Variants in SHISAL1 observed in about 807,000 individuals in gnomAD.
The protein encoded by SHISAL1 is shisa like 1, also known as protein shisa-like-1.
SHISAL1 carries 9 observed loss-of-function variants against 22.6 expected under a neutral mutation model. The observed-to-expected ratio is 0.40, with a 90% confidence interval of 0.24 to 0.70. SHISAL1 has a LOEUF of 0.70. Ranked by LOEUF, SHISAL1 falls within the 30% of genes least tolerant of loss-of-function variation. The pLI is 0.39. For synonymous variants in SHISAL1, 119 were observed against 115.4 expected, an observed-to-expected ratio of 1.03 and a Z score of -0.20; for missense variants, 246 against 270.6, an observed-to-expected ratio of 0.91 and a Z score of 0.64.
the SHISAL1 span, among the ~76,000 whole-genome samples, chr22:44,325,166 C>G: frequency 6.6e-6 from 1 of 151,988 alleles, no homozygotes; most frequent in Non-Finnish European, 1.5e-5. Context: ...TCGCTTGAAC[C>G]CAGGAGGTGG....
At chr22:44,283,465 C>T (rs1045097710) in intron 4 of SHISAL1, among the ~76,000 whole-genome samples, 5 of 152,274 alleles carry the variant, frequency 3.3e-5, no homozygotes, top group Middle Eastern at 3.4e-3. Context: ...CAATATGGAA[C>T]AGGGGTAGGG....
chr22:44,257,822 G>A (rs543058376), intron 4 of SHISAL1, among the ~76,000 whole-genome samples: 4 of 152,222 alleles, frequency 2.6e-5, no homozygotes, highest in Non-Finnish European at 5.9e-5. Flanking sequence ...CTAGGGAACT[G>A]CATTAGCGTG....
chr22:44,254,221 C>T (rs1171440409), intron 4 of SHISAL1, among the ~76,000 whole-genome samples: 2 of 151,768 alleles, frequency 1.3e-5, no homozygotes, highest in Non-Finnish European at 2.9e-5. Flanking sequence ...ATGAATTGCC[C>T]AACTCAAAAA....
intron 1 of SHISAL1, among the ~76,000 whole-genome samples, chr22:44,305,522 C>G (rs552068363): frequency 3.3e-5 from 5 of 152,340 alleles, no homozygotes; most frequent in Admixed American, 6.5e-5. Context: ...TGTGAGACAA[C>G]GTGGTTCTAG....
chr22:44,273,345 C>A (rs2055217708), intron 4 of SHISAL1, among the ~76,000 whole-genome samples: 1 of 152,192 alleles, frequency 6.6e-6, no homozygotes, highest in Non-Finnish European at 1.5e-5. Flanking sequence ...ATACAAGTAG[C>A]CACCACTGAT....
At position 44,285,860 on chromosome 22, in the gene SHISAL1, G is replaced by A. The variant is rs541824044; in HGVS notation, c.282-115C>T. The A allele has an allele frequency of 1.1e-5, 10 of 901,862 alleles. 1 individual carries two copies. The South Asian group carries it at 1.4e-4, about 13-fold the overall frequency. The allele number at this position is 901,862 out of a possible 1,614,324, so 55.9% of individuals were successfully genotyped here. On this transcript the variant is annotated intron_variant, in intron 3 of 4. Transcript: ENST00000381176. ...CCTGGGGCTATGTTGGGGTCCCCGG[G>A]AGGAGGGTACTGAGCCCCTCTGGAG...
intron 4 of SHISAL1, among the ~76,000 whole-genome samples, chr22:44,261,100 C>CATATATATAT (rs1457689043): frequency 1.7e-5 from 2 of 117,840 alleles, no homozygotes; most frequent in Non-Finnish European, 3.3e-5. Flanking sequence ...TATATATATA[C>CATATATATAT]ACTATATGGA....
At chr22:44,300,144 A>AACAGAGAGAGACAGAG (rs1412106822) in intron 2 of SHISAL1, among the ~76,000 whole-genome samples, 6 of 148,750 alleles carry the variant, frequency 4.0e-5, no homozygotes, top group Admixed American at 1.3e-4. Context: ...GAGAGACAGA[A>AACAGAGAGAGACAGAG]ACAGAGAGAG....
intron 3 of SHISAL1, among the ~76,000 whole-genome samples, chr22:44,293,801 T>C (rs2055368657): frequency 6.6e-6 from 1 of 152,138 alleles, no homozygotes; most frequent in African/African-American, 2.4e-5. Context: ...CCATAAACAC[T>C]TTCTAGGGCT....
rs2055389332 is a variant in SHISAL1 at position 44,296,749 on chromosome 22, T to G, written c.204A>C (p.Lys68Asn). The G allele has an allele frequency of 1.9e-6, 3 of 1,614,036 alleles. No homozygotes were observed. Among genetic ancestry groups the G allele is most frequent in the Non-Finnish European group, 2.5e-6 (3 of 1,180,044 alleles). The part of the protein sequence containing the change: ...LCCHHNNTVF[K>N]YCCNETEFQA... ...GGAACTCCGTCTCGTTGCAGCAGTA[T>G]TTGAAGACCGTGTTGTTATGGTGAC... The change falls in exon 3 of 5, where the codon AAA (lysine) becomes AAC (asparagine). Residue 68 changes from lysine (K) to asparagine (N), a missense_variant. By Grantham distance (94) the Lys-to-Asn change is moderately conservative. Transcript: ENST00000381176.
intron 3 of SHISAL1, among the ~76,000 whole-genome samples, chr22:44,288,904 C>T (rs1261004372): frequency 6.6e-6 from 1 of 152,200 alleles, no homozygotes; most frequent in Non-Finnish European, 1.5e-5. Flanking sequence ...GACTGTCTGC[C>T]CCTGGAGATT....
the SHISAL1 span, among the ~76,000 whole-genome samples, chr22:44,319,399 G>A: frequency 6.6e-6 from 1 of 152,382 alleles, no homozygotes; most frequent in East Asian, 1.9e-4. Context: ...TAGGACTCAG[G>A]CTCTTGGCCT....
intron 1 of SHISAL1, among the ~76,000 whole-genome samples, chr22:44,302,922 C>T (rs954536166): frequency 8.1e-6 from 1 of 123,294 alleles, no homozygotes; most frequent in Non-Finnish European, 1.6e-5. Flanking sequence ...GGGGTGGGTG[C>T]AGTGAGGAGG....
At chr22:44,293,844 C>A (rs1276628323) in intron 3 of SHISAL1, among the ~76,000 whole-genome samples, 1 of 152,162 alleles carries the variant, frequency 6.6e-6, no homozygotes, top group Non-Finnish European at 1.5e-5. Context: ...AATTCTGATC[C>A]TCGATACTCC....
At chr22:44,270,315 G>T (rs1477050304) in intron 4 of SHISAL1, among the ~76,000 whole-genome samples, 1 of 152,174 alleles carries the variant, frequency 6.6e-6, no homozygotes, top group African/African-American at 2.4e-5. Flanking sequence ...GGAGGTAAGC[G>T]GCACTCCAGT....
intron 3 of SHISAL1, 122 bp downstream of exon 3, chr22:44,296,548 CTT>C (rs1270703189): frequency 1.3e-6 from 1 of 776,940 alleles, no homozygotes; most frequent in African/African-American, 1.7e-5. Flanking sequence ...TCCCAGACTC[CTT>C]CCAGGCCCAC....
chr22:44,256,754 T>C (rs1371202512), intron 4 of SHISAL1, among the ~76,000 whole-genome samples: 1 of 151,832 alleles, frequency 6.6e-6, no homozygotes, highest in Admixed American at 6.6e-5. Context: ...TGGCACAGGG[T>C]CTACACTCAA....
At chr22:44,266,046 A>G (rs769361539) in intron 4 of SHISAL1, among the ~76,000 whole-genome samples, 1 of 151,998 alleles carries the variant, frequency 6.6e-6, no homozygotes, top group Non-Finnish European at 1.5e-5. Flanking sequence ...CTGGGAGGCA[A>G]GTGAGGGCTC....
chr22:44,317,308 C>T (rs759836326), upstream of SHISAL1, among the ~76,000 whole-genome samples: 17 of 152,264 alleles, frequency 1.1e-4, no homozygotes, highest in Non-Finnish European at 1.6e-4. Flanking sequence ...CCAGCCACAC[C>T]GGCCCGCAGC....
Sources: gnomAD v4.1 joint callset for allele counts (sites outside exome capture counted in the v4.1 genomes callset) on GRCh38, gnomAD v4.1.1 for gene constraint, MANE v1.5 for transcripts, NCBI Gene and HGNC (gene_info 2026-07-23, HGNC 2026-07-21) for gene names.